ZFYVE1: variants seen among roughly 807,000 people sequenced by gnomAD.
ZFYVE1 encodes zinc finger FYVE-type containing 1.
A neutral mutation model predicts 74.4 loss-of-function variants in ZFYVE1; 30 were observed. That is an observed-to-expected ratio of 0.40 (90% CI 0.30 to 0.55). The LOEUF (loss-of-function observed/expected upper bound fraction) is 0.55, where lower values mean the gene tolerates loss of function less well. Among genes scored for constraint, ZFYVE1 ranks in the 20% least tolerant of loss-of-function variants. The probability of loss-of-function intolerance (pLI) is 0.42; values close to 1 mark genes in which losing one functional copy is unlikely to be tolerated. For synonymous variants in ZFYVE1, 335 were observed against 385.1 expected (o/e 0.87, Z 1.52); for missense variants, 703 against 1,011.6 (o/e 0.69, Z 4.14).
chr14:72,991,151 TAC>T (rs1893600964), intron 4 of ZFYVE1, among the ~76,000 whole-genome samples: 1 of 151,680 alleles, frequency 6.6e-6, no homozygotes, highest in Non-Finnish European at 1.5e-5. Flanking sequence ...GAGCACTAAT[TAC>T]AGTTTACAGT....
chr14:73,009,830 G>A (rs906474311), intron 2 of ZFYVE1, among the ~76,000 whole-genome samples: 2 of 152,144 alleles, frequency 1.3e-5, no homozygotes, highest in South Asian at 2.1e-4. Context: ...AGGATAGGCC[G>A]AGCATAGTGG....
intron 3 of ZFYVE1, among the ~76,000 whole-genome samples, chr14:72,994,467 G>T (rs1347542660): frequency 6.6e-6 from 1 of 152,026 alleles, no homozygotes; most frequent in African/African-American, 2.4e-5. Flanking sequence ...CTATGAGGAG[G>T]GCTGGTGTCC....
chr14:72,975,697 T>G lies in ZFYVE1; in HGVS notation c.1660A>C (p.Asn554His). ...PGTDGFLKDNNNAAQRLLDGM... is the reference protein window; with the variant it reads ...PGTDGFLKDNHNAAQRLLDGM... ...TCCAACAGGCGCTGGGCAGCATTGT[T>G]GTTGTCCTTCAGAAACCCATCAGTC... is the stretch of plus-strand genomic sequence containing the variant. Residue 554 changes from asparagine to histidine, a missense_variant, in exon 9 of 12, where the codon AAC becomes CAC. This residue lies in a region of ZFYVE1 where 492 missense variants were observed against 790.0 expected (regional missense o/e 0.62). Coordinates refer to ENST00000556143, the MANE Select transcript of ZFYVE1 (RefSeq NM_021260.4). This position sits in a 1 kb window ranked among gnomAD's most constrained non-coding sequence, Gnocchi z 4.1. 1 of 1,614,138 alleles carries G rather than the reference T, an allele frequency of 6.2e-7. No homozygotes were observed. The highest frequency in any genetic ancestry group is 8.5e-7 in the Non-Finnish European group (1 of 1,180,030).
At chr14:73,019,983 G>A (rs1257439065) in intron 2 of ZFYVE1, among the ~76,000 whole-genome samples, 3 of 151,844 alleles carry the variant, frequency 2.0e-5, no homozygotes, top group African/African-American at 7.3e-5. Flanking sequence ...TATGTCGGGC[G>A]CAGTGGCTCA....
chr14:73,024,195 T>C lies in ZFYVE1; in HGVS notation c.314A>G (p.Lys105Arg). The C allele has an allele frequency of 1.2e-6, 2 of 1,614,204 alleles. No individual in the cohort carries two copies. The highest frequency in any genetic ancestry group is 1.7e-6 in the Non-Finnish European group (2 of 1,180,038). Residue 105 changes from lysine (K) to arginine (R), a missense_variant, in exon 2 of 12, where the codon AAG (lysine) becomes AGG (arginine). This residue lies in a region of ZFYVE1 where 211 missense variants were observed against 221.7 expected (regional missense o/e 0.95). Coordinates refer to ENST00000556143, the MANE Select transcript of ZFYVE1 (RefSeq NM_021260.4). ...TTTGTTACCCCCAGAATGAGTCCTC[T>C]TCTGGCACTCCAGGCACAAGTTAAT... The part of the protein sequence containing the change: ...CKINLCLECQ[K>R]RTHSGGNKRR...
rs1275874841 is a variant in ZFYVE1, at chr14:72,997,899, A to G, written c.900T>C (p.Ala300=). Residue 300 remains alanine, a synonymous_variant, in exon 3 of 12, where the codon GCT becomes GCC. Transcript: ENST00000556143. ...HFTKELKATT[A]RCGLDVPLST... The stretch of plus-strand genomic sequence containing the variant: ...ATAAAGGGACATCCAGGCCACAGCG[A>G]GCAGTGGTGGCCTTGAGCTCCTTGG... 3.1e-6 allele frequency: 5 copies of G among 1,614,036 alleles called. No homozygotes were observed. Among genetic ancestry groups the G allele is most frequent in the Non-Finnish European group, 4.2e-6 (5 of 1,180,008 alleles).
intron 3 of ZFYVE1, among the ~76,000 whole-genome samples, chr14:72,997,230 G>T (rs1248307408): frequency 6.6e-6 from 1 of 152,046 alleles, no homozygotes; most frequent in African/African-American, 2.4e-5. Context: ...ATAAATATCT[G>T]CAATACGTCA....
chr14:72,992,613 G>GT, intron 4 of ZFYVE1, among the ~76,000 whole-genome samples: 1 of 110,014 alleles, frequency 9.1e-6, no homozygotes, highest in African/African-American at 3.8e-5. Context: ...TCCCATTCAG[G>GT]TGCCCCCCCC....
At chr14:73,023,168 ATATATATAT>A (rs1567366491) in intron 2 of ZFYVE1, among the ~76,000 whole-genome samples, 26 of 121,802 alleles carry the variant, frequency 2.1e-4, no homozygotes, top group South Asian at 4.8e-4. Flanking sequence ...CTCAAAAAAT[ATATATATAT>A]ATATATATAT....
At chr14:72,976,609 C>T (rs113467566) in intron 8 of ZFYVE1, among the ~76,000 whole-genome samples, 4,178 of 151,820 alleles carry the variant, frequency 0.028, 172 homozygotes, top group African/African-American at 0.094. Context: ...ATGGTGAAAC[C>T]CTGTCTCTAC....
chr14:72,993,268 T>A lies in ZFYVE1; in HGVS notation c.1078A>T (p.Lys360Ter). The change falls in exon 4 of 12, where the codon AAG becomes TAG. Residue 360 changes from lysine (K) to a stop codon, truncating the protein, a stop_gained. Coordinates refer to ENST00000556143, the MANE Select transcript of ZFYVE1 (RefSeq NM_021260.4). LOFTEE classifies it high-confidence loss of function. ...FPEAFSSIHY[K>*]GTRTYNPPTD... is the part of the protein sequence containing the mutation. ...GGAGGGTTGTAAGTCCTCGTTCCCTTGTAGTGAATGGAACTAAAGGCTTCA... is the reference window on the plus strand; with the variant it reads ...GGAGGGTTGTAAGTCCTCGTTCCCTAGTAGTGAATGGAACTAAAGGCTTCA... 1 of 1,613,638 alleles carries A rather than the reference T, an allele frequency of 6.2e-7. No homozygotes were observed. Among genetic ancestry groups the A allele is most frequent in the Non-Finnish European group, 8.5e-7 (1 of 1,179,944 alleles).
intron 4 of ZFYVE1, among the ~76,000 whole-genome samples, chr14:72,992,420 G>A (rs1893634468): frequency 6.6e-6 from 1 of 152,102 alleles, no homozygotes. Context: ...ACATCTCTTG[G>A]TGCCTCCGTT....
At chr14:72,992,629 T>TCC (rs1893646466) in intron 4 of ZFYVE1, among the ~76,000 whole-genome samples, 1 of 51,158 alleles carries the variant, frequency 2.0e-5, no homozygotes, top group Admixed American at 1.7e-4. Flanking sequence ...CCCCCGCCCC[T>TCC]TGCAAGAGAG....
rs1893781269 is a variant in ZFYVE1 at position 72,997,801 on chromosome 14, C to A, written c.988+10G>T. 6.4e-7 allele frequency: 1 copy of A among 1,573,202 alleles called. No homozygotes were observed. The highest frequency in any genetic ancestry group is 8.7e-7 in the Non-Finnish European group (1 of 1,154,066). On this transcript the variant is annotated intron_variant, in intron 3 of 11. Transcript: ENST00000556143. ...AAGGTTGAGCTGTGACACTGTACCCCATCTCTCACCAGAGCCCAGTAGCTG... is the reference window on the plus strand; with the variant it reads ...AAGGTTGAGCTGTGACACTGTACCCAATCTCTCACCAGAGCCCAGTAGCTG...
At chr14:73,007,321 A>G (rs1894001278) in intron 2 of ZFYVE1, among the ~76,000 whole-genome samples, 1 of 152,172 alleles carries the variant, frequency 6.6e-6, no homozygotes, top group Non-Finnish European at 1.5e-5. Context: ...TTTGGCACCA[A>G]GGTCTTTTCA....
intron 4 of ZFYVE1, among the ~76,000 whole-genome samples, chr14:72,986,060 G>GT (rs1567350305): frequency 6.6e-6 from 1 of 152,214 alleles, no homozygotes. Context: ...CCAACTCCCA[G>GT]TAAATGGGAA....
At chr14:72,974,636 G>C in intron 10 of ZFYVE1, 143 bp downstream of exon 10, 1 of 1,067,722 alleles carries the variant, frequency 9.4e-7, no homozygotes, top group Non-Finnish European at 1.3e-6. Context: ...TTAACAAGGA[G>C]CTTAGAGGCT....
intron 3 of ZFYVE1, among the ~76,000 whole-genome samples, chr14:72,994,780 G>T (rs1178031546): frequency 6.6e-6 from 1 of 152,116 alleles, no homozygotes; most frequent in Non-Finnish European, 1.5e-5. Flanking sequence ...ATAACATACT[G>T]TAAGTACCTG....
Position 73,027,027 on chromosome 14 carries a change from C to A in ZFYVE1, c.-536G>T, listed in dbSNP as rs1894479352. 4 of 399,000 alleles carry A rather than the reference C, an allele frequency of 1.0e-5. No individual in the cohort carries two copies. The South Asian group carries it at 5.1e-4, about 51-fold the overall frequency. 24.7% of individuals were successfully genotyped at this position (399,000 alleles called of 1,614,324 possible). A position where few individuals can be genotyped will look rare whatever the true frequency, so the allele number is the denominator to read the frequency against. ...GACACCGGCAGATCCATCCTCATCT[C>A]CATCTCCGCCACCCTCCTCCTTCGT... On this transcript the variant is annotated 5_prime_UTR_variant, in exon 1 of 12. It introduces an in-frame stop codon into an upstream open reading frame of the 5' UTR. Coordinates refer to ENST00000556143, the MANE Select transcript of ZFYVE1 (RefSeq NM_021260.4).
Sources: gnomAD v4.1 joint callset for allele counts (sites outside exome capture counted in the v4.1 genomes callset) on GRCh38, gnomAD v4.1.1 for gene constraint, gnomAD v4.1.1 regional missense constraint, Gnocchi (gnomAD v3.1) non-coding constraint, MANE v1.5 for transcripts, NCBI Gene and HGNC (gene_info 2026-07-23, HGNC 2026-07-21) for gene names.